Variants in COL21A1 observed in about 807,000 individuals in gnomAD.
COL21A1 encodes collagen type XXI alpha 1 chain.
Under a neutral mutation model 137.9 loss-of-function variants are expected in COL21A1, and 149 were observed. The observed-to-expected ratio is 1.08, with a 90% CI of 0.95 to 1.24. The LOEUF (loss-of-function observed/expected upper bound fraction) is 1.24, where lower values mean the gene tolerates loss of function less well. COL21A1 is among the 50% of genes most tolerant of loss of function. The pLI, the probability that COL21A1 is intolerant of heterozygous loss-of-function variation, is 0.00. For missense variants in COL21A1, 1,167 were observed against 1,158.4 expected, an observed-to-expected ratio of 1.01 and a Z score of -0.11; for synonymous variants, 456 against 391.5, an observed-to-expected ratio of 1.16 and a Z score of -1.95.
intron 12 of COL21A1, among the ~76,000 whole-genome samples, chr6:56,138,730 G>A (rs1774185388): frequency 1.3e-5 from 2 of 152,086 alleles, no homozygotes; most frequent in Non-Finnish European, 2.9e-5. Context: ...GGGTCAGAGA[G>A]AGAAATGGCA....
At chr6:56,065,535 T>C (rs1766166142) in intron 23 of COL21A1, among the ~76,000 whole-genome samples, 1 of 152,104 alleles carries the variant, frequency 6.6e-6, no homozygotes. Context: ...TGGATATTAT[T>C]GGAACTTAGG....
chr6:56,261,646 A>G (rs542304640), intron 1 of COL21A1, among the ~76,000 whole-genome samples: 65 of 152,334 alleles, frequency 4.3e-4, no homozygotes, highest in Admixed American at 4.0e-3. Flanking sequence ...TATTGTATTT[A>G]AGGTGCCCAG....
chr6:56,065,627 G>C (rs1766176312), intron 23 of COL21A1, among the ~76,000 whole-genome samples: 1 of 151,882 alleles, frequency 6.6e-6, no homozygotes, highest in Non-Finnish European at 1.5e-5. Flanking sequence ...TAGCCAATTG[G>C]AGAAAGGATA....
chr6:56,139,712 C>A (rs1478110492), intron 12 of COL21A1, among the ~76,000 whole-genome samples: 1 of 152,140 alleles, frequency 6.6e-6, no homozygotes, highest in African/African-American at 2.4e-5. Context: ...TTGGTTATGA[C>A]TGACTCTATA....
intron 1 of COL21A1, among the ~76,000 whole-genome samples, chr6:56,385,311 C>G (rs767017903): frequency 1.3e-5 from 2 of 152,136 alleles, no homozygotes; most frequent in African/African-American, 2.4e-5. Context: ...TTCTGTAAGT[C>G]AGAAGTCTGA....
At chr6:56,230,013 G>A (rs962236406) in intron 1 of COL21A1, among the ~76,000 whole-genome samples, 3 of 151,800 alleles carry the variant, frequency 2.0e-5, no homozygotes, top group Non-Finnish European at 4.4e-5. Context: ...GAATGGAAGG[G>A]AACAGAAAAT....
intron 1 of COL21A1, among the ~76,000 whole-genome samples, chr6:56,379,689 C>T (rs140220631): frequency 0.013 from 2,027 of 152,172 alleles, 16 homozygotes; most frequent in Non-Finnish European, 0.02. Context: ...AAGTACCAGA[C>T]GTGGTCATGG....
chr6:56,176,891 G>T (rs1777514975), intron 3 of COL21A1, among the ~76,000 whole-genome samples: 1 of 133,200 alleles, frequency 7.5e-6, no homozygotes, highest in South Asian at 2.7e-4. Flanking sequence ...GGAAGGGGGA[G>T]GAAAGGGAGG....
chr6:56,237,037 G>A (rs1450453266), intron 1 of COL21A1, among the ~76,000 whole-genome samples: 1 of 151,970 alleles, frequency 6.6e-6, no homozygotes, highest in Admixed American at 6.6e-5. Context: ...TACAGCTTTT[G>A]ATGAGAGCAA....
intron 3 of COL21A1, among the ~76,000 whole-genome samples, chr6:56,176,203 A>G (rs1392437442): frequency 6.6e-6 from 1 of 152,186 alleles, no homozygotes; most frequent in East Asian, 1.9e-4. Flanking sequence ...TCATAACATC[A>G]GCCTCGTAAT....
At chr6:56,293,423 G>T (rs926487577) in intron 1 of COL21A1, among the ~76,000 whole-genome samples, 2 of 151,756 alleles carry the variant, frequency 1.3e-5, no homozygotes, top group African/African-American at 4.8e-5. Flanking sequence ...TGAATGAGCT[G>T]ATGAATAAAT....
At chr6:56,257,804 G>A (rs76509297) in intron 1 of COL21A1, among the ~76,000 whole-genome samples, 2,363 of 151,976 alleles carry the variant, frequency 0.016, 60 homozygotes, top group African/African-American at 0.054. Flanking sequence ...ATTTAAAAAT[G>A]TAAAAACCAT....
At chr6:56,156,778 G>A in intron 10 of COL21A1, 109 bp downstream of exon 10, 1 of 859,440 alleles carries the variant, frequency 1.2e-6, no homozygotes, top group East Asian at 2.7e-5. Context: ...TCCTATGGCA[G>A]CAGTCATGAA....
chr6:56,250,322 C>A (rs1242733914), upstream of COL21A1, among the ~76,000 whole-genome samples: 1 of 152,158 alleles, frequency 6.6e-6, no homozygotes, highest in African/African-American at 2.4e-5. Context: ...GATCTGATCA[C>A]CTGAACCCTT....
chr6:56,100,995 G>A (rs897106880), intron 17 of COL21A1, among the ~76,000 whole-genome samples: 1 of 152,096 alleles, frequency 6.6e-6, no homozygotes, highest in African/African-American at 2.4e-5. Context: ...TAAAATGTGG[G>A]GGCAAACTAT....
intron 27 of COL21A1, 174 bp downstream of exon 27, chr6:56,060,567 G>T: frequency 2.0e-6 from 1 of 509,208 alleles, no homozygotes; most frequent in Non-Finnish European, 3.4e-6. Context: ...GATTATAAAA[G>T]AGTATATATG....
At chr6:56,195,243 T>A (rs1250889347) in intron 1 of COL21A1, among the ~76,000 whole-genome samples, 3 of 152,208 alleles carry the variant, frequency 2.0e-5, no homozygotes, top group Non-Finnish European at 4.4e-5. Context: ...AAACAACTTC[T>A]AGCAAGCTCC....
chr6:56,332,782 A>T (rs947513391), intron 1 of COL21A1, among the ~76,000 whole-genome samples: 15 of 152,000 alleles, frequency 9.9e-5, no homozygotes, highest in African/African-American at 3.6e-4. Context: ...AAAAATAAAA[A>T]CTTCTAAATG....
intron 1 of COL21A1, among the ~76,000 whole-genome samples, chr6:56,196,670 C>T (rs1779043049): frequency 6.6e-6 from 1 of 151,898 alleles, no homozygotes; most frequent in Admixed American, 6.6e-5. Context: ...GGTGAAATAC[C>T]TGTACATTGA....
Sources: gnomAD v4.1 joint callset for allele counts (sites outside exome capture counted in the v4.1 genomes callset) on GRCh38, gnomAD v4.1.1 for gene constraint, MANE v1.5 for transcripts, NCBI Gene and HGNC (gene_info 2026-07-23, HGNC 2026-07-21) for gene names.